ARID4A: variants seen among roughly 807,000 people sequenced by gnomAD.
ARID4A encodes the protein AT-rich interaction domain 4A.
ARID4A carries 39 observed loss-of-function variants against 148.6 expected under a neutral mutation model. The observed-to-expected ratio is 0.26, with a 90% confidence interval of 0.20 to 0.34. The LOEUF is 0.34. Ranked by LOEUF, ARID4A falls within the 10% of genes least tolerant of loss-of-function variation. The pLI, the probability that ARID4A is intolerant of heterozygous loss-of-function variation, is 1.00. For missense variants in ARID4A, 1,265 were observed against 1,449.1 expected (o/e 0.87, Z 2.06); for synonymous variants, 475 against 481.2 (o/e 0.99, Z 0.17).
chr14:58,364,509 T>C lies in ARID4A; in HGVS notation c.2420T>C (p.Ile807Thr). 1 of 1,612,040 alleles carries C rather than the reference T, an allele frequency of 6.2e-7. No homozygotes were observed. Among genetic ancestry groups the C allele is most frequent in the Non-Finnish European group, 8.5e-7 (1 of 1,179,668 alleles). The change falls in exon 20 of 24, where the codon ATA (isoleucine) becomes ACA (threonine). Residue 807 changes from isoleucine (I) to threonine (T), a missense_variant. This residue lies in a region of ARID4A where 666 missense variants were observed against 730.9 expected (regional missense o/e 0.91). Coordinates refer to ENST00000355431, the MANE Select transcript of ARID4A (RefSeq NM_002892.4). Reference sequence around the variant, plus strand: ...ACAAAAGATCTTTCTTTAGAAATTATAAAGATTTCATCATTTGGCCAGAAT... The same window carrying C: ...ACAAAAGATCTTTCTTTAGAAATTACAAAGATTTCATCATTTGGCCAGAAT... ...SKTKDLSLEI[I>T]KISSFGQNEA...
At chr14:58,301,546 A>G in intron 2 of ARID4A, 34 bp from the exon 3 acceptor site, 5 of 1,493,908 alleles carry the variant, frequency 3.3e-6, no homozygotes, top group Non-Finnish European at 4.7e-6. Context: ...GAGGCATAGT[A>G]ATGACATTCA....
rs542394544 is a variant in ARID4A, at chr14:58,313,941, A to ACTGGCACATGTGCCAGTTTCCT, written c.275-4592_275-4571dup. ...AGAGTGAATCTTCCCCACCTGGTTCACTGGCACATGTGCCAGTTTCCTCTG... is the reference window on the plus strand; with the variant it reads ...AGAGTGAATCTTCCCCACCTGGTTCACTGGCACATGTGCCAGTTTCCTCTGGCACATGTGCCAGTTTCCTCTG... On this transcript the variant is annotated intron_variant, in intron 5 of 23. Transcript: ENST00000355431. Among the ~76,000 whole-genome samples, 1,443 of 152,202 alleles carry ACTGGCACATGTGCCAGTTTCCT rather than the reference A, an allele frequency of 9.5e-3. 20 individuals are homozygous for ACTGGCACATGTGCCAGTTTCCT. Among genetic ancestry groups the ACTGGCACATGTGCCAGTTTCCT allele is most frequent in the African/African-American group, 0.034 (1,391 of 41,464 alleles).
intron 23 of ARID4A, among the ~76,000 whole-genome samples, chr14:58,369,178 A>G (rs752629704): frequency 1.3e-5 from 2 of 152,218 alleles, no homozygotes; most frequent in Non-Finnish European, 2.9e-5. Flanking sequence ...TTCTAGAAGG[A>G]GAGTTGAATA....
intron 11 of ARID4A, among the ~76,000 whole-genome samples, chr14:58,336,605 C>T (rs1170825999): frequency 6.6e-6 from 1 of 152,100 alleles, no homozygotes; most frequent in Non-Finnish European, 1.5e-5. Flanking sequence ...CAAGATGTAC[C>T]TTTCATTATA....
rs1417590421 is a variant in ARID4A, at chr14:58,367,003, A to G, written c.3644A>G (p.Lys1215Arg). 4.7e-6 allele frequency: 7 copies of G among 1,496,140 alleles called. No individual in the cohort carries two copies. The highest frequency in any genetic ancestry group is 6.2e-6 in the Non-Finnish European group (7 of 1,130,154). 92.7% of individuals were successfully genotyped at this position (1,496,140 alleles called of 1,614,324 possible). The change falls in exon 23 of 24, where the codon AAA (lysine) becomes AGA (arginine). Residue 1215 changes from lysine (K) to arginine (R), a missense_variant. By Grantham distance (26) the Lys-to-Arg change is conservative. Transcript: ENST00000355431. Reference sequence around the variant, plus strand: ...GTTGCAACCATAGACAGGAGGAGAAAAAGATTAAAAAAGAAAGACAGGGAA... The same window carrying G: ...GTTGCAACCATAGACAGGAGGAGAAGAAGATTAAAAAAGAAAGACAGGGAA... ...SEVATIDRRR[K>R]RLKKKDREVS...
intron 8 of ARID4A, 33 bp from the exon 9 acceptor site, chr14:58,328,204 T>C (rs1445433120): frequency 7.0e-7 from 1 of 1,430,462 alleles, no homozygotes; most frequent in Non-Finnish European, 9.8e-7. Flanking sequence ...GCACAGGAAA[T>C]AGGAATCAAT....
chr14:58,301,740 T>C, intron 3 of ARID4A, 50 bp downstream of exon 3: 1 of 1,424,494 alleles, frequency 7.0e-7, no homozygotes, highest in East Asian at 2.3e-5. Flanking sequence ...ATTGAAGAAA[T>C]TTGGGGAGAG....
chr14:58,350,742 A>G (rs1438615546), intron 15 of ARID4A, among the ~76,000 whole-genome samples: 1 of 152,188 alleles, frequency 6.6e-6, no homozygotes, highest in Non-Finnish European at 1.5e-5. Flanking sequence ...TATAGTCGAG[A>G]AATAATAAAA....
At position 58,336,483 on chromosome 14, in the gene ARID4A, C is replaced by T. The variant is rs569715064; in HGVS notation, c.906+6314C>T. 3.3e-5 allele frequency among the ~76,000 whole-genome samples: 5 copies of T among 152,244 alleles called. No homozygotes were observed. In the South Asian group the frequency reaches 8.3e-4, roughly 25 times the overall value. ...TGTTTGCTTTTCACTTTAAGTTAAA[C>T]GTGAAGTTTAACTGAAGTTTAAAAT... On this transcript the variant is annotated intron_variant, in intron 11 of 23. Transcript: ENST00000355431.
intron 7 of ARID4A, 80 bp from the exon 8 acceptor site, chr14:58,323,405 T>G: frequency 6.7e-7 from 1 of 1,488,150 alleles, no homozygotes; most frequent in Non-Finnish European, 9.2e-7. Flanking sequence ...AGAAATTGAA[T>G]TGACTATATT....
intron 18 of ARID4A, among the ~76,000 whole-genome samples, chr14:58,359,716 T>G (rs1007991728): frequency 2.0e-5 from 3 of 152,176 alleles, no homozygotes; most frequent in Non-Finnish European, 2.9e-5. Flanking sequence ...TAGATTGGCT[T>G]CTTTTGCTTA....
rs1208329394 is a variant in ARID4A, at chr14:58,328,253, G to A, written c.599G>A (p.Cys200Tyr). ...ATATTTCAGGTAATATCTCCCAGCT[G>A]TAATGATGACATCACAGTGAAAAAG... ...WYPALVISPS[C>Y]NDDITVKKDQ... Residue 200 changes from cysteine (C) to tyrosine (Y), a missense_variant, in exon 9 of 24, where the codon TGT becomes TAT. Physicochemically the swap from Cys to Tyr is radical, Grantham distance 194. Around this residue, in one of 9 missense-constraint regions of ARID4A, gnomAD observed 249 missense variants for 277.2 expected, o/e 0.90. Transcript: ENST00000355431. 1.3e-6 allele frequency: 2 copies of A among 1,599,614 alleles called. No homozygotes were observed. The highest frequency in any genetic ancestry group is 1.7e-5 in the Admixed American group (1 of 59,770).
intron 11 of ARID4A, among the ~76,000 whole-genome samples, chr14:58,335,801 A>G (rs2033784961): frequency 6.6e-6 from 1 of 152,158 alleles, no homozygotes; most frequent in Non-Finnish European, 1.5e-5. Context: ...CCCCCTGTCC[A>G]ATCAGATACC....
At chr14:58,339,023 G>T (rs918438255) in intron 11 of ARID4A, among the ~76,000 whole-genome samples, 14 of 144,328 alleles carry the variant, frequency 9.7e-5, no homozygotes, top group African/African-American at 3.7e-4. Flanking sequence ...CTGGAGTGCA[G>T]TGGTGATTAT....
intron 11 of ARID4A, 34 bp downstream of exon 11, chr14:58,330,203 C>T (rs1454085030): frequency 6.3e-7 from 1 of 1,595,150 alleles, no homozygotes; most frequent in African/African-American, 1.4e-5. Context: ...ACAAAAACAT[C>T]TTAATACTCT....
chr14:58,312,714 A>C (rs989854619), intron 5 of ARID4A, among the ~76,000 whole-genome samples: 2 of 152,136 alleles, frequency 1.3e-5, no homozygotes, highest in Middle Eastern at 3.2e-3. Flanking sequence ...TTCATTTTAT[A>C]CTTCTGTTTC....
At chr14:58,329,479 T>C (rs2033398532) in intron 9 of ARID4A, 49 bp from the exon 10 acceptor site, 1 of 1,239,738 alleles carries the variant, frequency 8.1e-7, no homozygotes, top group African/African-American at 1.5e-5. Flanking sequence ...ATTTAAGTGA[T>C]AATTTTTATT....
chr14:58,321,257 A>C (rs553075111), intron 7 of ARID4A, among the ~76,000 whole-genome samples: 2 of 152,332 alleles, frequency 1.3e-5, no homozygotes, highest in Admixed American at 1.3e-4. Context: ...TCTTGCCTGA[A>C]TCAGTTAGTA....
chr14:58,323,543 C>T lies in ARID4A; in HGVS notation c.508C>T (p.Leu170Phe). 1 of 1,614,112 alleles carries T rather than the reference C, an allele frequency of 6.2e-7. No homozygotes were observed. The highest frequency in any genetic ancestry group is 2.2e-5 in the East Asian group (1 of 44,866). ...SEEEDEDKRR[L>F]NDELLGKVVS... ...AGAGGAAGATGAAGACAAGCGCCGTCTCAATGATGAATTACTAGGAAAAGT... is the reference window on the plus strand; with the variant it reads ...AGAGGAAGATGAAGACAAGCGCCGTTTCAATGATGAATTACTAGGAAAAGT... The change falls in exon 8 of 24, where the codon CTC (leucine) becomes TTC (phenylalanine). Residue 170 changes from leucine (L) to phenylalanine (F), a missense_variant. Around this residue, in one of 9 missense-constraint regions of ARID4A, gnomAD observed 249 missense variants for 277.2 expected, o/e 0.90. Transcript: ENST00000355431.
Sources: allele counts gnomAD v4.1 joint callset (sites outside exome capture counted in the v4.1 genomes callset), GRCh38; gene constraint gnomAD v4.1.1; regional missense constraint gnomAD v4.1.1; transcripts MANE v1.5; gene names NCBI Gene and HGNC (gene_info 2026-07-23, HGNC 2026-07-21).